PAQR8: variants seen among roughly 807,000 people sequenced by gnomAD.
The protein encoded by PAQR8 is progestin and adipoQ receptor family member 8.
In PAQR8, 17 loss-of-function variants were observed where a neutral mutation model predicts 25.2. The observed-to-expected ratio is 0.67, with a 90% CI of 0.46 to 1.01. PAQR8 has a LOEUF of 1.01. Among genes scored for constraint, PAQR8 ranks in the 50% least tolerant of loss-of-function variants. The pLI, the probability that PAQR8 is intolerant of heterozygous loss-of-function variation, is 0.00. For missense variants in PAQR8, 392 were observed against 448.4 expected (o/e 0.87, Z 1.14); for synonymous variants, 204 against 190.6 (o/e 1.07, Z -0.58).
In PAQR8 at chr6:52,404,135, CAGG is replaced by C; in HGVS notation, c.925_927del (p.Glu309del). 2 of 1,614,230 alleles carry C rather than the reference CAGG, an allele frequency of 1.2e-6. No individual in the cohort carries two copies. The highest frequency in any genetic ancestry group is 1.7e-6 in the Non-Finnish European group (2 of 1,180,034). On this transcript the variant is annotated inframe_deletion, in exon 2 of 2. Transcript: ENST00000442253. ...CATCCTCCTGGACTACCAGGGGCGG[CAGG>C]AGATCTTCCTGCAGCGCCATGGACC...
At chr6:52,374,925 T>G (rs1164485501) in intron 1 of PAQR8, among the ~76,000 whole-genome samples, 1 of 149,432 alleles carries the variant, frequency 6.7e-6, no homozygotes. Context: ...TTATTAGAGA[T>G]AATAATTAAT....
intron 1 of PAQR8, among the ~76,000 whole-genome samples, chr6:52,387,792 G>C: frequency 6.6e-6 from 1 of 152,246 alleles, no homozygotes; most frequent in Non-Finnish European, 1.5e-5. Flanking sequence ...AGTAAGCAAA[G>C]CTTCATCAGT....
At chr6:52,393,871 A>G (rs1315898006) in intron 1 of PAQR8, among the ~76,000 whole-genome samples, 1 of 152,236 alleles carries the variant, frequency 6.6e-6, no homozygotes, top group Non-Finnish European at 1.5e-5. Context: ...AAGCCTTCAC[A>G]GGGACCATTT....
rs768281523 is a variant in PAQR8 at position 52,407,205 on chromosome 6, G to GA, written c.*2933dup. On this transcript the variant is annotated 3_prime_UTR_variant, in exon 2 of 2. Transcript: ENST00000442253. ...AACCTATGAAAATGTAAATACCTTT[G>GA]AAAAAACTAAACTATCAGTCATTTA... 20 of 166,978 alleles carry GA rather than the reference G, an allele frequency of 1.2e-4. No homozygotes were observed. The highest frequency in any genetic ancestry group is 2.2e-4 in the Non-Finnish European group (15 of 68,080). The allele number at this position is 166,978 out of a possible 1,614,324, so 10.3% of individuals were successfully genotyped here. A position where few individuals can be genotyped will look rare whatever the true frequency, so the allele number is the denominator to read the frequency against.
intron 1 of PAQR8, among the ~76,000 whole-genome samples, chr6:52,383,976 A>T (rs1763598485): frequency 6.6e-6 from 1 of 152,204 alleles, no homozygotes; most frequent in Admixed American, 6.5e-5. Context: ...GGTTATCACC[A>T]TTAGTGTAAC....
At chr6:52,367,356 C>A (rs528321441) in intron 1 of PAQR8, among the ~76,000 whole-genome samples, 1 of 152,260 alleles carries the variant, frequency 6.6e-6, no homozygotes, top group South Asian at 2.1e-4. Flanking sequence ...AACTGTGCCA[C>A]CCTGGGTGTG....
rs181635299 is a variant in PAQR8, at chr6:52,378,277, A to G, written c.-53+16028A>G. On this transcript the variant is annotated intron_variant, in intron 1 of 1. Transcript: ENST00000442253. ...ACAGTAACAGTGAAGAAGAAATGCTATATCTCTGGTTTCTGGCTTGAGCAC... is the reference window on the plus strand; with the variant it reads ...ACAGTAACAGTGAAGAAGAAATGCTGTATCTCTGGTTTCTGGCTTGAGCAC... Among the ~76,000 whole-genome samples, 99 of 152,384 alleles carry G rather than the reference A, an allele frequency of 6.5e-4. 1 individual carries two copies. Among genetic ancestry groups the G allele is most frequent in the African/African-American group, 2.2e-3 (91 of 41,596 alleles).
intron 1 of PAQR8, among the ~76,000 whole-genome samples, chr6:52,397,930 G>C (rs938808158): frequency 8.5e-5 from 13 of 152,124 alleles, no homozygotes; most frequent in Non-Finnish European, 1.6e-4. Flanking sequence ...TTTTACAGCT[G>C]GTCCTTTGAA....
intron 1 of PAQR8, among the ~76,000 whole-genome samples, chr6:52,372,593 TTC>T (rs1287627908): frequency 1.3e-5 from 2 of 152,052 alleles, no homozygotes; most frequent in South Asian, 2.1e-4. Flanking sequence ...TTACATGTAT[TTC>T]TCTCTCTCTT....
intron 1 of PAQR8, among the ~76,000 whole-genome samples, chr6:52,384,791 C>T (rs890610400): frequency 6.6e-6 from 1 of 152,158 alleles, no homozygotes; most frequent in Non-Finnish European, 1.5e-5. Flanking sequence ...CAAAAGGCTA[C>T]AGTAGCATGG....
chr6:52,384,576 G>A (rs1763607755), intron 1 of PAQR8, among the ~76,000 whole-genome samples: 1 of 152,156 alleles, frequency 6.6e-6, no homozygotes, highest in Non-Finnish European at 1.5e-5. Context: ...TATTACAGGT[G>A]GAAGTTAGGA....
At chr6:52,392,373 A>T (rs1340290415) in intron 1 of PAQR8, among the ~76,000 whole-genome samples, 1 of 151,606 alleles carries the variant, frequency 6.6e-6, no homozygotes, top group East Asian at 1.9e-4. Context: ...TCACATAGTG[A>T]TAGAGCTAGA....
At chr6:52,389,798 C>G (rs1336035241) in intron 1 of PAQR8, among the ~76,000 whole-genome samples, 1 of 152,184 alleles carries the variant, frequency 6.6e-6, no homozygotes, top group Non-Finnish European at 1.5e-5. Context: ...AGGGCATTTC[C>G]AAGATTGATT....
chr6:52,394,399 G>T (rs1763743839), intron 1 of PAQR8, among the ~76,000 whole-genome samples: 1 of 152,158 alleles, frequency 6.6e-6, no homozygotes, highest in African/African-American at 2.4e-5. Flanking sequence ...CCATCAGTCA[G>T]AACTACGAAA....
intron 1 of PAQR8, among the ~76,000 whole-genome samples, chr6:52,393,768 T>C (rs1273750212): frequency 1.3e-5 from 2 of 152,156 alleles, no homozygotes; most frequent in Admixed American, 1.3e-4. Flanking sequence ...CAGAGAGACA[T>C]ATAATGCAAA....
chr6:52,389,319 A>G (rs1057361964), intron 1 of PAQR8, among the ~76,000 whole-genome samples: 3 of 152,228 alleles, frequency 2.0e-5, no homozygotes, highest in African/African-American at 7.2e-5. Flanking sequence ...ACAATGATCT[A>G]TTGACACATT....
At chr6:52,394,213 G>A (rs1248108296) in intron 1 of PAQR8, among the ~76,000 whole-genome samples, 2 of 152,162 alleles carry the variant, frequency 1.3e-5, no homozygotes, top group Non-Finnish European at 2.9e-5. Flanking sequence ...GATAGGAGAC[G>A]TGCCCAGGTG....
At chr6:52,396,043 T>C (rs769399736) in intron 1 of PAQR8, among the ~76,000 whole-genome samples, 1 of 152,326 alleles carries the variant, frequency 6.6e-6, no homozygotes, top group Non-Finnish European at 1.5e-5. Flanking sequence ...AGTAAATAAT[T>C]ATAAGGTGTC....
At chr6:52,375,778 C>G (rs1021559496) in intron 1 of PAQR8, among the ~76,000 whole-genome samples, 1 of 152,200 alleles carries the variant, frequency 6.6e-6, no homozygotes, top group Non-Finnish European at 1.5e-5. Flanking sequence ...ACTGCCTTGG[C>G]CTTCCAAAGC....
Sources: gnomAD v4.1 joint callset for allele counts (sites outside exome capture counted in the v4.1 genomes callset) on GRCh38, gnomAD v4.1.1 for gene constraint, MANE v1.5 for transcripts, NCBI Gene and HGNC (gene_info 2026-07-23, HGNC 2026-07-21) for gene names.